Variants in NECAB3 observed in about 807,000 individuals in gnomAD.
The protein encoded by NECAB3 is N-terminal EF-hand calcium-binding protein 3.
In NECAB3, 38 loss-of-function variants were observed where a neutral mutation model predicts 57.2. The ratio of observed to expected loss-of-function variants is 0.66; its 90% CI spans 0.51 to 0.87. The LOEUF is 0.87. NECAB3 is among the 40% of genes least tolerant of loss of function. The pLI is 0.00. For missense variants in NECAB3, 474 were observed against 527.5 expected, an observed-to-expected ratio of 0.90 and a Z score of 0.99; for synonymous variants, 223 against 222.6, an observed-to-expected ratio of 1.00 and a Z score of -0.02.
chr20:33,660,143 A>G lies in NECAB3; in HGVS notation c.524+116T>C. On this transcript the variant is annotated intron_variant, in intron 6 of 11. Coordinates refer to ENST00000246190, the MANE Select transcript of NECAB3 (RefSeq NM_031232.4). This position sits in a 1 kb window ranked among gnomAD's most constrained non-coding sequence, Gnocchi z 4.1. Reference sequence around the variant, plus strand: ...TTCACCCCGCCATGGCTACCCTGCCATGGCTTCCCCGCCCGAAAATGCAGG... The same window carrying G: ...TTCACCCCGCCATGGCTACCCTGCCGTGGCTTCCCCGCCCGAAAATGCAGG... 3 of 1,531,708 alleles carry G rather than the reference A, an allele frequency of 2.0e-6. No homozygotes were observed. The highest frequency in any genetic ancestry group is 2.6e-6 in the Non-Finnish European group (3 of 1,140,636). The allele number at this position is 1,531,708 out of a possible 1,614,324, so 94.9% of individuals were successfully genotyped here.
chr20:33,666,760 G>A (rs892282051), intron 5 of NECAB3: 2 of 152,382 alleles, frequency 1.3e-5, no homozygotes, highest in Non-Finnish European at 2.9e-5. Context: ...AGACCAAGAG[G>A]GTGAGATGCG....
At chr20:33,668,500 G>A (rs1445569950) in intron 5 of NECAB3, 3 of 414,968 alleles carry the variant, frequency 7.2e-6, no homozygotes, top group Non-Finnish European at 1.3e-5. Flanking sequence ...GGCAATAAAG[G>A]TGATGCCCCA....
chr20:33,669,708 A>T lies in NECAB3; in HGVS notation c.268T>A (p.Leu90Ile). The T allele has an allele frequency of 6.3e-7, 1 of 1,595,284 alleles. No homozygotes were observed. Among genetic ancestry groups the T allele is most frequent in the East Asian group, 2.3e-5 (1 of 44,372 alleles). The part of the protein sequence containing the change: ...SGIDGHLTDN[L>I]ETEKLCDYFS... The stretch of plus-strand genomic sequence containing the variant: ...TCACCACACAGTTTTTCTGTTTCTA[A>T]ATTGCTGCAGGGAAAAGAGAAGGCG... The change falls in exon 4 of 12, where the codon TTA becomes ATA. Residue 90 changes from leucine (L) to isoleucine (I), a missense_variant. Transcript: ENST00000246190.
intron 7 of NECAB3, 34 bp from the exon 8 acceptor site, chr20:33,659,766 G>A: frequency 1.3e-6 from 2 of 1,551,884 alleles, no homozygotes; most frequent in Non-Finnish European, 1.7e-6. Context: ...TCAGGCAGGG[G>A]CCTCTCAGGT....
intron 5 of NECAB3, chr20:33,669,157 T>A: frequency 1.8e-6 from 1 of 564,406 alleles, no homozygotes; most frequent in Non-Finnish European, 3.1e-6. Flanking sequence ...TTCTCACTGG[T>A]CACAGTGATG....
Position 33,669,146 on chromosome 20 carries a change from G to C in NECAB3, c.387+229C>G, listed in dbSNP as rs890879643. On this transcript the variant is annotated intron_variant, in intron 5 of 11. Transcript: ENST00000246190. The stretch of plus-strand genomic sequence containing the variant: ...AAAACAGACAAAAATCCCTGCCTTC[G>C]TTCTCACTGGTCACAGTGATGTATG... The C allele has an allele frequency of 5.5e-6, 3 of 547,616 alleles. No individual in the cohort carries two copies. The South Asian group carries it at 7.1e-5, about 13-fold the overall frequency. The allele number at this position is 547,616 out of a possible 1,614,324, so 33.9% of individuals were successfully genotyped here.
At chr20:33,662,548 G>T (rs1468837769) in intron 5 of NECAB3, 2 of 1,480,130 alleles carry the variant, frequency 1.4e-6, no homozygotes, top group Non-Finnish European at 1.8e-6. Context: ...GGTGGGAAGG[G>T]ATGCTGGGAG....
At chr20:33,667,578 C>T (rs1397971910) in intron 5 of NECAB3, 11 of 1,560,574 alleles carry the variant, frequency 7.0e-6, no homozygotes, top group Non-Finnish European at 9.5e-6. Context: ...CGGGCGTGTG[C>T]CACGCCACGC....
chr20:33,660,355 C>T lies in NECAB3; in HGVS notation c.428G>A (p.Arg143His), dbSNP rs768857790. Residue 143 changes from arginine to histidine, a missense_variant, in exon 6 of 12, where the codon CGC becomes CAC. By Grantham distance (29) the Arg-to-His change is conservative (BLOSUM62 0). Transcript: ENST00000246190. This position sits in a 1 kb window ranked among gnomAD's most constrained non-coding sequence, Gnocchi z 4.1. Reference sequence around the variant, plus strand: ...GCTCACCGTCTCCCGCAGCAGGAAGCGCGTCACAAACTGGTCCACTTTGGA... The same window carrying T: ...GCTCACCGTCTCCCGCAGCAGGAAGTGCGTCACAAACTGGTCCACTTTGGA... ...RASKVDQFVTRFLLRETVSQL... is the reference protein window; with the variant it reads ...RASKVDQFVTHFLLRETVSQL... 1 of 1,613,644 alleles carries T rather than the reference C, an allele frequency of 6.2e-7. No individual in the cohort carries two copies. Among genetic ancestry groups the T allele is most frequent in the Non-Finnish European group, 8.5e-7 (1 of 1,179,992 alleles).
In NECAB3 at chr20:33,662,485, ATGGGGAGCAGGGC is replaced by A. The variant is rs1281312309; in HGVS notation, c.388-2103_388-2091del. On this transcript the variant is annotated intron_variant, in intron 5 of 11. Transcript: ENST00000246190. ...AAGAAGCCGGCTGTGAGGGCGGGGG[ATGGGGAGCAGGGC>A]TGGGGAGGCAGCTGGGGGGCAGAGA... 7.1e-6 allele frequency: 11 copies of A among 1,549,340 alleles called. No individual in the cohort carries two copies. The East Asian group carries it at 2.7e-4, about 38-fold the overall frequency.
intron 2 of NECAB3, chr20:33,672,160 T>G (rs932680545): frequency 1.0e-5 from 6 of 580,494 alleles, no homozygotes; most frequent in African/African-American, 9.4e-5. Flanking sequence ...GGGTGCTGTG[T>G]GAAAGTCAGC....
rs756999476 is a variant in NECAB3, at chr20:33,663,801, C to A, written c.388-3406G>T. 4 of 1,418,666 alleles carry A rather than the reference C, an allele frequency of 2.8e-6. No individual in the cohort carries two copies. The South Asian group carries it at 6.0e-5, about 21-fold the overall frequency. The allele number at this position is 1,418,666 out of a possible 1,614,324, so 87.9% of individuals were successfully genotyped here. On this transcript the variant is annotated intron_variant, in intron 5 of 11. Transcript: ENST00000246190. ...GCTTCCGGTCCCCGGGGAAGGCTCC[C>A]CGCGAAGCCGGCCCCGCCGAGGAGC...
intron 5 of NECAB3, chr20:33,667,787 AC>A: frequency 6.2e-7 from 1 of 1,609,546 alleles, no homozygotes; most frequent in African/African-American, 1.3e-5. Context: ...GACCTCCGCG[AC>A]CCCGCCCGCC....
upstream of NECAB3, among the ~76,000 whole-genome samples, chr20:33,675,091 C>G (rs1003210920): frequency 2.6e-5 from 4 of 151,954 alleles, no homozygotes; most frequent in Admixed American, 2.6e-4. Context: ...ACACTGCTTT[C>G]TCTCCGGTCC....
intron 1 of NECAB3, among the ~76,000 whole-genome samples, chr20:33,673,853 G>A (rs2017887113): frequency 6.6e-6 from 1 of 152,108 alleles, no homozygotes; most frequent in Non-Finnish European, 1.5e-5. Flanking sequence ...TCTGGGGGCG[G>A]CACTAGAGTC....
chr20:33,659,527 A>AC lies in NECAB3; in HGVS notation c.848dup (p.Glu284Ter). ...CAGGCCCCTTGGCCAGGTCCTCTTC[A>AC]CGCAGGGGTTCCAGCCGGGGGGCCT... On this transcript the variant is annotated frameshift_variant, in exon 8 of 12. Coordinates refer to ENST00000246190, the MANE Select transcript of NECAB3 (RefSeq NM_031232.4). LOFTEE classifies it high-confidence loss of function. 6.5e-7 allele frequency: 1 copy of AC among 1,528,592 alleles called. No individual in the cohort carries two copies. The highest frequency in any genetic ancestry group is 8.8e-7 in the Non-Finnish European group (1 of 1,132,780). The allele number at this position is 1,528,592 out of a possible 1,614,324, so 94.7% of individuals were successfully genotyped here.
Position 33,659,546 on chromosome 20 carries a change from G to A in NECAB3, c.830C>T (p.Pro277Leu). The change falls in exon 8 of 12, where the codon CCC (proline) becomes CTC (leucine). Residue 277 changes from proline to leucine, a missense_variant. Pro to Leu is a moderately conservative substitution (Grantham distance 98, BLOSUM62 -3). Transcript: ENST00000246190. ...CTCTTCACGCAGGGGTTCCAGCCGG[G>A]GGGCCTGTGAGGGCACAGAGTGTGG... The part of the protein sequence containing the change: ...PGPHSVPSQA[P>L]RLEPLREEDL... 1 of 1,556,690 alleles carries A rather than the reference G, an allele frequency of 6.4e-7. No homozygotes were observed.
intron 4 of NECAB3, 32 bp downstream of exon 4, chr20:33,669,655 C>A: frequency 6.4e-7 from 1 of 1,573,576 alleles, no homozygotes; most frequent in African/African-American, 1.4e-5. Flanking sequence ...CCAGGGGCCA[C>A]AGGAGAAAAG....
At chr20:33,663,949 G>C in intron 5 of NECAB3, 4 of 1,251,262 alleles carry the variant, frequency 3.2e-6, no homozygotes, top group Non-Finnish European at 4.2e-6. Flanking sequence ...TCTGGGCGCG[G>C]AGTCGGGGTG....
Sources: gnomAD v4.1 joint callset for allele counts (sites outside exome capture counted in the v4.1 genomes callset) on GRCh38, gnomAD v4.1.1 for gene constraint, Gnocchi (gnomAD v3.1) non-coding constraint, MANE v1.5 for transcripts, NCBI Gene and HGNC (gene_info 2026-07-23, HGNC 2026-07-21) for gene names.